The following TNKS2 variants were observed in gnomAD, a reference collection of about 807,000 sequenced individuals.
The protein encoded by TNKS2 is tankyrase 2, also known as poly [ADP-ribose] polymerase tankyrase-2.
In TNKS2, 72 loss-of-function variants were observed where a neutral mutation model predicts 137.6. The observed-to-expected ratio is 0.52, with a 90% confidence interval of 0.43 to 0.64. TNKS2 has a LOEUF of 0.64. Ranked by LOEUF, TNKS2 falls within the 30% of genes least tolerant of loss-of-function variation. The pLI is 0.00. For missense variants in TNKS2, 1,049 were observed against 1,410.2 expected, an observed-to-expected ratio of 0.74 and a Z score of 4.10; for synonymous variants, 516 against 512.1, an observed-to-expected ratio of 1.01 and a Z score of -0.10.
chr10:91,848,754 C>A, intron 19 of TNKS2, 119 bp downstream of exon 19: 1 of 1,205,530 alleles, frequency 8.3e-7, no homozygotes, highest in Non-Finnish European at 1.2e-6. Context: ...AATTAGTTAA[C>A]ATAGCCTTAA....
At chr10:91,826,959 G>A (rs967675275) in intron 7 of TNKS2, 58 bp from the exon 8 acceptor site, 27 of 1,400,212 alleles carry the variant, frequency 1.9e-5, no homozygotes, top group Admixed American at 1.0e-4. Flanking sequence ...TACACAGTAC[G>A]AATAATTCTG....
chr10:91,848,191 T>G (rs572156370), intron 18 of TNKS2, among the ~76,000 whole-genome samples, 192 bp from the exon 19 acceptor site: 1 of 152,366 alleles, frequency 6.6e-6, no homozygotes, highest in African/African-American at 2.4e-5. Flanking sequence ...GTCAACATTT[T>G]AAAATTTTCA....
At chr10:91,849,369 C>A (rs1842475314) in intron 19 of TNKS2, 143 bp from the exon 20 acceptor site, 1 of 510,188 alleles carries the variant, frequency 2.0e-6, no homozygotes, top group African/African-American at 2.0e-5. Flanking sequence ...TTGTAGCTTT[C>A]TCTTGTTCAG....
chr10:91,849,851 T>A (rs1312016086), intron 20 of TNKS2, among the ~76,000 whole-genome samples: 1 of 151,826 alleles, frequency 6.6e-6, no homozygotes, highest in Non-Finnish European at 1.5e-5. Context: ...TGAAGTAAGT[T>A]ATCCTTGAGC....
At chr10:91,813,229 A>T in intron 2 of TNKS2, 22 bp downstream of exon 2, 1 of 1,584,680 alleles carries the variant, frequency 6.3e-7, no homozygotes, top group African/African-American at 1.3e-5. Flanking sequence ...TACTTTTCCG[A>T]CTTTTACTAA....
At chr10:91,840,742 AC>A (rs758825156) in intron 14 of TNKS2, 36 bp downstream of exon 14, 2 of 1,565,936 alleles carry the variant, frequency 1.3e-6, no homozygotes, top group South Asian at 1.2e-5. Context: ...TCTCTTCCTT[AC>A]TTTTACTTGA....
intron 13 of TNKS2, among the ~76,000 whole-genome samples, chr10:91,838,036 ATTTTTTTTTT>A (rs71025367): frequency 3.9e-5 from 2 of 51,190 alleles, no homozygotes; most frequent in South Asian, 1.3e-3. Context: ...CAATTAGCTG[ATTTTTTTTTT>A]TTTTTTTTTT....
rs1319149848 is a variant in TNKS2 at position 91,836,910 on chromosome 10, C to CT, written c.1448-3dup. 5 of 1,598,220 alleles carry CT rather than the reference C, an allele frequency of 3.1e-6. No homozygotes were observed. The highest frequency in any genetic ancestry group is 1.7e-4 in the Middle Eastern group (1 of 6,012). On this transcript the variant is annotated splice_polypyrimidine_tract_variant and intron_variant, in intron 12 of 26. Transcript: ENST00000371627. ...GTTAGTCACTCTTCTCTCTCTCTCT[C>CT]TTTTTTAGAGGGTATCTCATTAGGT...
chr10:91,826,875 A>C, intron 7 of TNKS2, 142 bp from the exon 8 acceptor site: 4 of 718,414 alleles, frequency 5.6e-6, no homozygotes, highest in Non-Finnish European at 6.0e-6. Flanking sequence ...AAAAATGTAT[A>C]CTCATTCTGA....
At chr10:91,855,290 A>G (rs1842672019) in intron 22 of TNKS2, among the ~76,000 whole-genome samples, 164 bp downstream of exon 22, 1 of 152,178 alleles carries the variant, frequency 6.6e-6, no homozygotes, top group Non-Finnish European at 1.5e-5. Flanking sequence ...TACTCTAGAA[A>G]ATATTACTCA....
chr10:91,823,989 A>G (rs1430059818), intron 7 of TNKS2, among the ~76,000 whole-genome samples: 1 of 152,252 alleles, frequency 6.6e-6, no homozygotes, highest in Non-Finnish European at 1.5e-5. Flanking sequence ...TGACTCCAGC[A>G]GAACATTTGA....
chr10:91,862,041 G>A lies in TNKS2; in HGVS notation c.3324G>A (p.Leu1108=). 1 of 1,612,262 alleles carries A rather than the reference G, an allele frequency of 6.2e-7. No homozygotes were observed. The highest frequency in any genetic ancestry group is 1.1e-5 in the South Asian group (1 of 90,836). The change falls in exon 26 of 27, where the codon CTG becomes CTA. Residue 1108 remains leucine, a synonymous_variant. Coordinates refer to ENST00000371627, the MANE Select transcript of TNKS2 (RefSeq NM_025235.4). ...GGGTAACCTTGGGAAAGTCTTTCCT[G>A]CAGTTCAGTGCAATGAAAATGGCAC... ...FCRVTLGKSF[L]QFSAMKMAHS...
At position 91,830,909 on chromosome 10, in the gene TNKS2, T is replaced by C. The variant is rs759047406; in HGVS notation, c.1105-14T>C. ...GTATAGTCCTTGATTAATGCTGCAA[T>C]TTAAATTATTTAGCATTGTGCTGCT... On this transcript the variant is annotated splice_polypyrimidine_tract_variant and intron_variant, in intron 9 of 26. Coordinates refer to ENST00000371627, the MANE Select transcript of TNKS2 (RefSeq NM_025235.4). 1.3e-6 allele frequency: 2 copies of C among 1,587,170 alleles called. No homozygotes were observed. Among genetic ancestry groups the C allele is most frequent in the Non-Finnish European group, 1.7e-6 (2 of 1,163,310 alleles).
At chr10:91,809,656 ACT>A (rs1844437407) in intron 1 of TNKS2, among the ~76,000 whole-genome samples, 1 of 146,994 alleles carries the variant, frequency 6.8e-6, no homozygotes, top group African/African-American at 2.5e-5. Context: ...AAACAGCGGG[ACT>A]CTGTCTCAAA....
intron 21 of TNKS2, 67 bp from the exon 22 acceptor site, chr10:91,854,962 A>T: frequency 1.2e-6 from 1 of 806,018 alleles, no homozygotes; most frequent in South Asian, 1.7e-5. Flanking sequence ...TTAGGTGGTT[A>T]TTTTTGGTTT....
intron 12 of TNKS2, chr10:91,836,609 C>T: frequency 1.0e-6 from 1 of 983,568 alleles, no homozygotes; most frequent in Non-Finnish European, 1.2e-6. Flanking sequence ...TTGCACCATT[C>T]CAATGGCTTG....
At chr10:91,817,899 G>C (rs1844763642) in intron 3 of TNKS2, among the ~76,000 whole-genome samples, 1 of 152,158 alleles carries the variant, frequency 6.6e-6, no homozygotes, top group Admixed American at 6.5e-5. Flanking sequence ...CAGCCATGTT[G>C]TTTACCAGAT....
chr10:91,844,864 A>G (rs1231303923), intron 16 of TNKS2, 55 bp from the exon 17 acceptor site: 3 of 1,169,258 alleles, frequency 2.6e-6, no homozygotes, highest in Non-Finnish European at 3.7e-6. Context: ...GTATTATGAC[A>G]TAGGACTAAA....
chr10:91,835,738 G>A (rs1036508736), intron 12 of TNKS2, among the ~76,000 whole-genome samples: 2 of 150,840 alleles, frequency 1.3e-5, no homozygotes, highest in African/African-American at 2.4e-5. Context: ...AGTGATTCTC[G>A]TGCCTCACCC....
Sources: gnomAD v4.1 joint callset for allele counts (sites outside exome capture counted in the v4.1 genomes callset) on GRCh38, gnomAD v4.1.1 for gene constraint, MANE v1.5 for transcripts, NCBI Gene and HGNC (gene_info 2026-07-23, HGNC 2026-07-21) for gene names.